The following FBXO32 variants were observed in gnomAD, a reference collection of about 807,000 sequenced individuals.
FBXO32 encodes the protein F-box only protein 32.
FBXO32 carries 15 observed loss-of-function variants against 48.3 expected under a neutral mutation model. That is an observed-to-expected ratio of 0.31 (90% confidence interval 0.21 to 0.48). The LOEUF (loss-of-function observed/expected upper bound fraction) is 0.48, where lower values mean the gene tolerates loss of function less well. Ranked by LOEUF, FBXO32 falls within the 20% of genes least tolerant of loss-of-function variation. FBXO32 has a pLI of 0.99. For synonymous variants in FBXO32, 154 were observed against 165.9 expected, an observed-to-expected ratio of 0.93 and a Z score of 0.55; for missense variants, 309 against 432.7, an observed-to-expected ratio of 0.71 and a Z score of 2.54.
intron 4 of FBXO32, among the ~76,000 whole-genome samples, chr8:123,531,060 A>G (rs1014392318): frequency 7.1e-6 from 1 of 141,228 alleles, no homozygotes; most frequent in Non-Finnish European, 1.5e-5. Flanking sequence ...GCTCACTGCA[A>G]TGTCTGCCTC....
At chr8:123,520,941 C>T (rs906265378) in intron 4 of FBXO32, among the ~76,000 whole-genome samples, 1 of 152,196 alleles carries the variant, frequency 6.6e-6, no homozygotes, top group East Asian at 1.9e-4. Context: ...CTTATTCTCA[C>T]CTCTGGGCCT....
chr8:123,504,773 A>G (rs992477958), intron 7 of FBXO32, 26 bp from the exon 8 acceptor site: 11 of 1,606,888 alleles, frequency 6.8e-6, no homozygotes, highest in Non-Finnish European at 9.4e-6. Flanking sequence ...AATAAAGGAA[A>G]TGACAGGAGA....
At chr8:123,516,023 T>G (rs948531581) in intron 4 of FBXO32, among the ~76,000 whole-genome samples, 59 of 152,080 alleles carry the variant, frequency 3.9e-4, no homozygotes, top group African/African-American at 1.4e-3. Context: ...AAAGATCCTA[T>G]TGTTGAAAAA....
intron 1 of FBXO32, among the ~76,000 whole-genome samples, chr8:123,538,435 T>G (rs1395203498): frequency 2.6e-5 from 4 of 152,106 alleles, no homozygotes; most frequent in Non-Finnish European, 2.9e-5. Flanking sequence ...GGGCCTGCCT[T>G]TTGTTTTCTC....
At chr8:123,503,587 G>A (rs1296682195) in intron 8 of FBXO32, 125 bp from the exon 9 acceptor site, 4 of 672,356 alleles carry the variant, frequency 5.9e-6, no homozygotes, top group Non-Finnish European at 1.0e-5. Context: ...CCTAAATGTT[G>A]CATGTTCTCA....
chr8:123,535,778 G>A (rs1817297489), intron 1 of FBXO32, among the ~76,000 whole-genome samples: 1 of 150,594 alleles, frequency 6.6e-6, no homozygotes, highest in Admixed American at 6.6e-5. Flanking sequence ...CCCCCACAAA[G>A]TATGTAAAAC....
At chr8:123,533,944 T>C (rs1253036521) in intron 2 of FBXO32, among the ~76,000 whole-genome samples, 1 of 151,776 alleles carries the variant, frequency 6.6e-6, no homozygotes, top group Non-Finnish European at 1.5e-5. Flanking sequence ...AACACAAAAA[T>C]TAGCCGGGTA....
chr8:123,535,940 G>A (rs1465379292), intron 1 of FBXO32, among the ~76,000 whole-genome samples: 1 of 149,576 alleles, frequency 6.7e-6, no homozygotes, highest in African/African-American at 2.5e-5. Context: ...TACATCTGTT[G>A]GGTACAATTA....
At chr8:123,537,255 A>G (rs951545503) in intron 1 of FBXO32, among the ~76,000 whole-genome samples, 3 of 151,868 alleles carry the variant, frequency 2.0e-5, no homozygotes, top group African/African-American at 7.3e-5. Flanking sequence ...TTTTTTAATA[A>G]GCAAAACCAT....
Position 123,525,759 on chromosome 8 carries a change from T to G in FBXO32, c.372+6139A>C, listed in dbSNP as rs1464794941. Among the ~76,000 whole-genome samples the G allele has an allele frequency of 6.6e-6, 1 of 152,206 alleles. No homozygotes were observed. The highest frequency in any genetic ancestry group is 1.5e-5 in the Non-Finnish European group (1 of 68,036). ...CTAAAATGGGTTAACAACATCTGCC[T>G]ACTGTACAGCTTGACTGTGCTTATC... On this transcript the variant is annotated intron_variant, in intron 4 of 8. Transcript: ENST00000517956. The surrounding 1 kb of genome is among the most constrained non-coding windows in gnomAD (Gnocchi z 4.3).
chr8:123,538,666 C>T (rs922603665), intron 1 of FBXO32, among the ~76,000 whole-genome samples: 3 of 152,164 alleles, frequency 2.0e-5, no homozygotes, highest in Non-Finnish European at 2.9e-5. Flanking sequence ...TGCAAACAAA[C>T]AGCCAGCTGC....
intron 6 of FBXO32, among the ~76,000 whole-genome samples, chr8:123,511,915 T>C (rs1360984548): frequency 2.0e-5 from 3 of 152,182 alleles, no homozygotes; most frequent in African/African-American, 4.8e-5. Flanking sequence ...GTCCAGGCCA[T>C]AGAGAATGCC....
At chr8:123,518,253 AT>A (rs1475784556) in intron 4 of FBXO32, among the ~76,000 whole-genome samples, 1 of 152,230 alleles carries the variant, frequency 6.6e-6, no homozygotes, top group Non-Finnish European at 1.5e-5. Flanking sequence ...GATTAAATGT[AT>A]TCACATAGCA....
chr8:123,518,813 G>C (rs1816890439), intron 4 of FBXO32, among the ~76,000 whole-genome samples: 1 of 151,642 alleles, frequency 6.6e-6, no homozygotes, highest in Non-Finnish European at 1.5e-5. Flanking sequence ...ATGTCTAACA[G>C]AGAACACATT....
At chr8:123,528,789 C>T (rs1043497798) in intron 4 of FBXO32, among the ~76,000 whole-genome samples, 2 of 152,288 alleles carry the variant, frequency 1.3e-5, no homozygotes, top group South Asian at 4.1e-4. Flanking sequence ...ATGAACATAA[C>T]AGATTTTCAG....
chr8:123,504,882 T>A, intron 7 of FBXO32, 135 bp from the exon 8 acceptor site: 1 of 752,588 alleles, frequency 1.3e-6, no homozygotes, highest in South Asian at 1.9e-5. Flanking sequence ...GAAGGAAAAC[T>A]GTCACTATAT....
In FBXO32 at chr8:123,506,455, G is replaced by C. The variant is rs34225633; in HGVS notation, c.771C>G (p.His257Gln). The change falls in exon 7 of 9, where the codon CAC becomes CAG. Residue 257 changes from histidine (H) to glutamine (Q), a missense_variant. His to Gln is a conservative substitution (Grantham distance 24, BLOSUM62 0). Coordinates refer to ENST00000517956, the MANE Select transcript of FBXO32 (RefSeq NM_058229.4). The surrounding 1 kb of genome is among the most constrained non-coding windows in gnomAD (Gnocchi z 4.0). Reference sequence around the variant, plus strand: ...ACAGCAGCCGGTCTTCGCTGAGCACGTGCAGGTCGGGGGCAGCCTGGCCCA... The same window carrying C: ...ACAGCAGCCGGTCTTCGCTGAGCACCTGCAGGTCGGGGGCAGCCTGGCCCA... ...VSLGQAAPDL[H>Q]VLSEDRLLWK... 2.5e-6 allele frequency: 4 copies of C among 1,613,980 alleles called. No homozygotes were observed. The highest frequency in any genetic ancestry group is 1.3e-5 in the African/African-American group (1 of 74,890).
rs528700798 is a variant in FBXO32 at position 123,504,902 on chromosome 8, C to T, written c.835-155G>A. On this transcript the variant is annotated intron_variant, in intron 7 of 8. Transcript: ENST00000517956. Reference sequence around the variant, plus strand: ...AAAACTGTCACTATATAAAGAAGTACCTGCTTAGCTCTCCTCAGTTAAACA... The same window carrying T: ...AAAACTGTCACTATATAAAGAAGTATCTGCTTAGCTCTCCTCAGTTAAACA... 1.5e-4 allele frequency among the ~76,000 whole-genome samples: 23 copies of T among 152,212 alleles called. No individual in the cohort carries two copies. The South Asian group carries it at 4.8e-3, about 32-fold the overall frequency.
chr8:123,538,670 C>T (rs903111914), intron 1 of FBXO32, among the ~76,000 whole-genome samples: 5 of 152,162 alleles, frequency 3.3e-5, no homozygotes, highest in Non-Finnish European at 7.4e-5. Flanking sequence ...AACAAACAGC[C>T]AGCTGCTTTG....
Sources: gnomAD v4.1 joint callset for allele counts (sites outside exome capture counted in the v4.1 genomes callset) on GRCh38, gnomAD v4.1.1 for gene constraint, Gnocchi (gnomAD v3.1) non-coding constraint, MANE v1.5 for transcripts, NCBI Gene and HGNC (gene_info 2026-07-23, HGNC 2026-07-21) for gene names.